Variants in AGBL1 observed in about 807,000 individuals in gnomAD.
AGBL1 encodes the protein AGBL carboxypeptidase 1, also known as cytosolic carboxypeptidase 4.
In AGBL1, 130 loss-of-function variants were observed where a neutral mutation model predicts 118.9. The observed-to-expected ratio is 1.09, with a 90% CI of 0.95 to 1.26. The LOEUF is 1.26. Ranked by LOEUF, AGBL1 falls within the 50% of genes most tolerant of loss-of-function variation. The probability of loss-of-function intolerance (pLI) is 0.00; values close to 1 mark genes in which losing one functional copy is unlikely to be tolerated. For missense variants in AGBL1, 1,584 were observed against 1,298.1 expected, an observed-to-expected ratio of 1.22 and a Z score of -3.38; for synonymous variants, 555 against 478.9, an observed-to-expected ratio of 1.16 and a Z score of -2.08.
intron 17 of AGBL1, among the ~76,000 whole-genome samples, chr15:86,363,173 C>T (rs959042545): frequency 2.6e-5 from 4 of 152,042 alleles, no homozygotes; most frequent in Non-Finnish European, 4.4e-5. Context: ...TTTTCAATCT[C>T]GTATCTGGAT....
chr15:86,275,253 G>A (rs1000033001), intron 15 of AGBL1, among the ~76,000 whole-genome samples: 5 of 152,110 alleles, frequency 3.3e-5, no homozygotes, highest in African/African-American at 7.2e-5. Context: ...ATTTATCTCC[G>A]CTCGTGAGAG....
At chr15:86,467,809 C>T (rs147147975) in intron 18 of AGBL1, among the ~76,000 whole-genome samples, 1 of 152,162 alleles carries the variant, frequency 6.6e-6, no homozygotes, top group Non-Finnish European at 1.5e-5. Flanking sequence ...CCATGGGTTG[C>T]ACCCACTGTC....
rs557424578 is a variant in AGBL1, at chr15:86,638,851, C to G, written c.2995-35422C>G. On this transcript the variant is annotated intron_variant, in intron 21 of 22. Transcript: ENST00000614907. ...GAGTCTGAGTGTGGCTCAGTTGGGC[C>G]TCTGCTTTCAGGACCTTTCACAGGC... Among the ~76,000 whole-genome samples, 12 of 152,276 alleles carry G rather than the reference C, an allele frequency of 7.9e-5. No homozygotes were observed. The East Asian group carries it at 2.1e-3, about 27-fold the overall frequency.
At chr15:86,182,761 A>T (rs2077571412) in intron 5 of AGBL1, among the ~76,000 whole-genome samples, 1 of 152,144 alleles carries the variant, frequency 6.6e-6, no homozygotes, top group African/African-American at 2.4e-5. Context: ...AGTTTGATAT[A>T]GATCTCTCCT....
At chr15:86,883,907 G>A (rs1315096871) in intron 22 of AGBL1, among the ~76,000 whole-genome samples, 1 of 152,126 alleles carries the variant, frequency 6.6e-6, no homozygotes, top group Non-Finnish European at 1.5e-5. Context: ...GTATACAGTA[G>A]TCCCTCCTTT....
chr15:86,647,806 G>A (rs886163178), intron 21 of AGBL1, among the ~76,000 whole-genome samples: 1 of 152,160 alleles, frequency 6.6e-6, no homozygotes, highest in Non-Finnish European at 1.5e-5. Flanking sequence ...AAGAATGAAA[G>A]GAAAAGAGTT....
At chr15:86,801,357 A>T (rs958367603) in intron 22 of AGBL1, among the ~76,000 whole-genome samples, 2 of 92,314 alleles carry the variant, frequency 2.2e-5, no homozygotes, top group African/African-American at 7.5e-5. Context: ...ATCTATCTAT[A>T]TTAAAGCCTT....
At chr15:86,917,222 T>A (rs567553270), downstream of AGBL1, among the ~76,000 whole-genome samples, 11 of 152,214 alleles carry the variant, frequency 7.2e-5, no homozygotes, top group East Asian at 1.9e-3. The surrounding 1 kb of genome is among the most constrained non-coding windows in gnomAD (Gnocchi z 4.8). Flanking sequence ...CACTGTGCAG[T>A]TGGTCCACCC....
At chr15:86,245,388 G>C (rs980986864) in intron 6 of AGBL1, among the ~76,000 whole-genome samples, 4 of 152,144 alleles carry the variant, frequency 2.6e-5, no homozygotes, top group Non-Finnish European at 5.9e-5. Flanking sequence ...GAATGGTTTC[G>C]ATGATGGAGA....
intron 21 of AGBL1, among the ~76,000 whole-genome samples, chr15:86,650,047 T>C (rs1410226473): frequency 1.3e-5 from 2 of 152,210 alleles, no homozygotes; most frequent in African/African-American, 4.8e-5. Flanking sequence ...CATTCTTTTA[T>C]GGACATGTAA....
At chr15:86,960,949 G>A (rs2080986835) in intron 23 of AGBL1, among the ~76,000 whole-genome samples, 1 of 152,062 alleles carries the variant, frequency 6.6e-6, no homozygotes, top group South Asian at 2.1e-4. Context: ...CAGATGGGGA[G>A]TGGTTGGTTA....
chr15:87,006,412 T>C (rs2081504255), intron 24 of AGBL1, among the ~76,000 whole-genome samples: 1 of 152,168 alleles, frequency 6.6e-6, no homozygotes. Context: ...TCCCCGAGCC[T>C]CGCTGCTGCC....
chr15:86,878,865 G>A (rs2079851310), intron 22 of AGBL1, among the ~76,000 whole-genome samples: 4 of 152,202 alleles, frequency 2.6e-5, no homozygotes, highest in Admixed American at 2.6e-4. Context: ...CTCTCTGTTT[G>A]GAGCTCTCAG....
intron 17 of AGBL1, among the ~76,000 whole-genome samples, chr15:86,385,397 G>T (rs62012291): frequency 1.3e-5 from 2 of 152,214 alleles, no homozygotes; most frequent in African/African-American, 4.8e-5. Flanking sequence ...CCATCTGGGG[G>T]CTTGGTAGAA....
At chr15:86,964,021 C>G (rs1382099832) in intron 23 of AGBL1, among the ~76,000 whole-genome samples, 17 of 142,014 alleles carry the variant, frequency 1.2e-4, no homozygotes, top group African/African-American at 2.3e-4. Context: ...CTCTCTCTCT[C>G]TCTCTCTCTC....
intron 18 of AGBL1, among the ~76,000 whole-genome samples, chr15:86,507,957 A>G (rs574796665): frequency 1.3e-5 from 2 of 150,128 alleles, no homozygotes; most frequent in Admixed American, 1.3e-4. Flanking sequence ...GAGAGAGGGT[A>G]GTTGATGCTC....
chr15:86,287,247 A>G (rs34439235), intron 16 of AGBL1, among the ~76,000 whole-genome samples: 10,326 of 152,052 alleles, frequency 0.068, 404 homozygotes, highest in Middle Eastern at 0.11. Context: ...TATATTTTAG[A>G]TATTAGCCCC....
chr15:86,793,455 C>A (rs12900242), intron 22 of AGBL1, among the ~76,000 whole-genome samples: 57,391 of 151,972 alleles, frequency 0.38, 12,372 homozygotes, highest in Non-Finnish European at 0.51. Context: ...TACCTCACAC[C>A]ATTTACAAAA....
At chr15:86,183,517 G>A (rs549278955) in intron 5 of AGBL1, among the ~76,000 whole-genome samples, 37 of 152,252 alleles carry the variant, frequency 2.4e-4, no homozygotes, top group African/African-American at 7.7e-4. Context: ...ACACCATGCT[G>A]TAGCATGATG....
Sources: gnomAD v4.1 joint callset for allele counts (sites outside exome capture counted in the v4.1 genomes callset) on GRCh38, gnomAD v4.1.1 for gene constraint, Gnocchi (gnomAD v3.1) non-coding constraint, MANE v1.5 for transcripts, NCBI Gene and HGNC (gene_info 2026-07-23, HGNC 2026-07-21) for gene names.